SHC3: variants seen among roughly 807,000 people sequenced by gnomAD.
The protein encoded by SHC3 is SHC adaptor protein 3, also known as SHC-transforming protein 3.
A neutral mutation model predicts 60.4 loss-of-function variants in SHC3; 15 were observed. The observed-to-expected ratio is 0.25, with a 90% CI of 0.17 to 0.38. The LOEUF (loss-of-function observed/expected upper bound fraction) is 0.38. Ranked by LOEUF, SHC3 falls within the 10% of genes least tolerant of loss-of-function variation. The probability of loss-of-function intolerance (pLI) is 1.00; values close to 1 mark genes in which losing one functional copy is unlikely to be tolerated. For missense variants in SHC3, 677 were observed against 786.1 expected (o/e 0.86, Z 1.66); for synonymous variants, 294 against 325.9 (o/e 0.90, Z 1.05).
intron 6 of SHC3, among the ~76,000 whole-genome samples, chr9:89,065,104 G>T (rs1825156119): frequency 6.6e-6 from 1 of 152,146 alleles, no homozygotes; most frequent in Admixed American, 6.5e-5. Flanking sequence ...GATATAATCA[G>T]ACAGCGCCTG....
chr9:89,123,355 C>G (rs1826118634), intron 1 of SHC3, among the ~76,000 whole-genome samples: 1 of 152,210 alleles, frequency 6.6e-6, no homozygotes, highest in Non-Finnish European at 1.5e-5. Flanking sequence ...GAGCAATCAA[C>G]AGATGTCTGG....
At chr9:89,060,932 A>C (rs968715060) in intron 6 of SHC3, among the ~76,000 whole-genome samples, 2 of 152,142 alleles carry the variant, frequency 1.3e-5, no homozygotes, top group African/African-American at 4.8e-5. Flanking sequence ...AGAAACCAGC[A>C]GGTGCTCTTC....
At chr9:89,018,882 C>T (rs1247932378) in intron 11 of SHC3, among the ~76,000 whole-genome samples, 2 of 151,118 alleles carry the variant, frequency 1.3e-5, no homozygotes. Context: ...ACAGTGTAAC[C>T]CCATCTCTAC....
chr9:89,065,247 C>CG (rs1825159056), intron 6 of SHC3, among the ~76,000 whole-genome samples: 1 of 152,082 alleles, frequency 6.6e-6, no homozygotes, highest in African/African-American at 2.4e-5. Flanking sequence ...CAGGAGTAAC[C>CG]GAGGCCACTG....
chr9:89,161,573 C>T (rs1237984486), intron 1 of SHC3, among the ~76,000 whole-genome samples: 1 of 152,192 alleles, frequency 6.6e-6, no homozygotes, highest in Non-Finnish European at 1.5e-5. Context: ...CTCAGGCTGC[C>T]ATAACAAATA....
rs890348271 is a variant in SHC3, at chr9:89,091,525, G to A, written c.546-13622C>T. On this transcript the variant is annotated intron_variant, in intron 2 of 11. Coordinates refer to ENST00000375835, the MANE Select transcript of SHC3 (RefSeq NM_016848.6). ...TATTAGAAGATTAGTTTGATCTACA[G>A]TGAAGGAGATTGTCAAGACAGGAAA... Among the ~76,000 whole-genome samples the A allele has an allele frequency of 9.2e-5, 14 of 152,328 alleles. No individual in the cohort carries two copies. In the South Asian group the frequency reaches 1.2e-3, roughly 14 times the overall value.
At chr9:89,131,806 T>A (rs911410941) in intron 1 of SHC3, among the ~76,000 whole-genome samples, 4 of 152,162 alleles carry the variant, frequency 2.6e-5, no homozygotes, top group Non-Finnish European at 5.9e-5. Flanking sequence ...AATATCATAC[T>A]GAATAGGCAA....
chr9:89,097,355 T>TTA (rs1372204405), intron 2 of SHC3, among the ~76,000 whole-genome samples: 12 of 152,186 alleles, frequency 7.9e-5, no homozygotes, highest in Non-Finnish European at 4.4e-5. Context: ...TTTCTCAAGG[T>TTA]TATAAGCAGT....
chr9:89,035,603 G>A lies in SHC3; in HGVS notation c.1656+2390C>T, dbSNP rs1293918529. 3.3e-5 allele frequency among the ~76,000 whole-genome samples: 5 copies of A among 152,052 alleles called. No homozygotes were observed. The East Asian group carries it at 9.7e-4, about 29-fold the overall frequency. On this transcript the variant is annotated intron_variant, in intron 11 of 11. Coordinates refer to ENST00000375835, the MANE Select transcript of SHC3 (RefSeq NM_016848.6). Reference sequence around the variant, plus strand: ...AGGAACATCAGGACAGCAGAGAAGAGATGAATGATTTAGTAAATGGTGACA... The same window carrying A: ...AGGAACATCAGGACAGCAGAGAAGAAATGAATGATTTAGTAAATGGTGACA...
At chr9:89,023,102 G>A (rs1338922663) in intron 11 of SHC3, among the ~76,000 whole-genome samples, 1 of 152,172 alleles carries the variant, frequency 6.6e-6, no homozygotes, top group African/African-American at 2.4e-5. Flanking sequence ...GCAGGCGCAG[G>A]CTTCCTCTAT....
intron 11 of SHC3, among the ~76,000 whole-genome samples, chr9:89,030,303 T>C (rs896803088): frequency 1.1e-4 from 17 of 152,204 alleles, no homozygotes; most frequent in African/African-American, 3.9e-4. Context: ...TGACTTTTAA[T>C]AATGAATAGA....
rs577783963 is a variant in SHC3 at position 89,175,927 on chromosome 9, C to T, written c.474+2060G>A. Among the ~76,000 whole-genome samples, 11 of 152,292 alleles carry T rather than the reference C, an allele frequency of 7.2e-5. No homozygotes were observed. In the South Asian group the frequency reaches 8.3e-4, roughly 11 times the overall value. ...TTTGCACATGTGCGCCAACAGAGGG[C>T]CATGTGATAATTTGAATCAAACATG... On this transcript the variant is annotated intron_variant, in intron 1 of 11. Coordinates refer to ENST00000375835, the MANE Select transcript of SHC3 (RefSeq NM_016848.6).
At chr9:89,109,861 G>C (rs1194568642) in intron 2 of SHC3, 2 of 985,324 alleles carry the variant, frequency 2.0e-6, no homozygotes, top group African/African-American at 1.7e-5. Flanking sequence ...TCTAAGCAAA[G>C]TCTCTCCCAT....
chr9:89,084,593 A>G (rs904353710), intron 2 of SHC3, among the ~76,000 whole-genome samples: 12 of 152,228 alleles, frequency 7.9e-5, no homozygotes, highest in African/African-American at 2.2e-4. Flanking sequence ...TTCACTGGAC[A>G]GATCAGAGAC....
chr9:89,016,030 A>G (rs1826087408), intron 11 of SHC3, among the ~76,000 whole-genome samples: 1 of 152,214 alleles, frequency 6.6e-6, no homozygotes, highest in Non-Finnish European at 1.5e-5. Context: ...AAATCAATAA[A>G]TTGAAAACAG....
At chr9:89,062,470 G>A (rs1441363667) in intron 6 of SHC3, among the ~76,000 whole-genome samples, 1 of 152,202 alleles carries the variant, frequency 6.6e-6, no homozygotes. Context: ...AGAAGCCATG[G>A]ATTCTTGATA....
intron 1 of SHC3, among the ~76,000 whole-genome samples, chr9:89,135,680 GT>G (rs975309618): frequency 1.1e-4 from 17 of 151,706 alleles, no homozygotes; most frequent in Admixed American, 5.3e-4. Flanking sequence ...GTTTTTGAGG[GT>G]TTTTTTTCTG....
At chr9:89,017,980 G>A (rs1826124688) in intron 11 of SHC3, among the ~76,000 whole-genome samples, 1 of 152,166 alleles carries the variant, frequency 6.6e-6, no homozygotes, top group Non-Finnish European at 1.5e-5. Flanking sequence ...TCATTAAAAA[G>A]TCAGGAAACA....
chr9:89,177,103 T>C (rs1587772849), intron 1 of SHC3, among the ~76,000 whole-genome samples: 1 of 152,230 alleles, frequency 6.6e-6, no homozygotes, highest in African/African-American at 2.4e-5. Flanking sequence ...TGCTCGGCTG[T>C]GGAGGCTGTT....
Sources: allele counts gnomAD v4.1 joint callset (sites outside exome capture counted in the v4.1 genomes callset), GRCh38; gene constraint gnomAD v4.1.1; transcripts MANE v1.5; gene names NCBI Gene and HGNC (gene_info 2026-07-23, HGNC 2026-07-21).